The following MYOCD variants were observed in gnomAD, a reference collection of about 807,000 sequenced individuals.
The protein encoded by MYOCD is myocardin.
A neutral mutation model predicts 96.1 loss-of-function variants in MYOCD; 32 were observed. The observed-to-expected ratio is 0.33, with a 90% CI of 0.25 to 0.45. The LOEUF (loss-of-function observed/expected upper bound fraction) is 0.45. Ranked by LOEUF, MYOCD falls within the 20% of genes least tolerant of loss-of-function variation. MYOCD has a pLI of 1.00. For missense variants in MYOCD, 1,133 were observed against 1,200.6 expected, an observed-to-expected ratio of 0.94 and a Z score of 0.83; for synonymous variants, 469 against 469.0, an observed-to-expected ratio of 1.00 and a Z score of 0.00.
rs546824430 is a variant in MYOCD at position 12,679,056 on chromosome 17, G to A, written c.55+12813G>A. On this transcript the variant is annotated intron_variant, in intron 1 of 13. Coordinates refer to ENST00000425538, the MANE Select transcript of MYOCD (RefSeq NM_001146312.3). ...CAGCAGATTCAGACCTAGAACTCTC[G>A]TCTCGGGGCTTGCAAAACCAAATTT... 3.8e-4 allele frequency among the ~76,000 whole-genome samples: 58 copies of A among 152,170 alleles called. No homozygotes were observed. In the South Asian group the frequency reaches 1.0e-2, roughly 26 times the overall value.
intron 1 of MYOCD, among the ~76,000 whole-genome samples, chr17:12,671,664 T>C (rs1909717254): frequency 6.6e-6 from 1 of 152,204 alleles, no homozygotes; most frequent in Non-Finnish European, 1.5e-5. Context: ...ATTTGTCTTT[T>C]ATCTGCTACA....
chr17:12,744,090 C>A, intron 7 of MYOCD, 93 bp from the exon 8 acceptor site: 1 of 1,427,586 alleles, frequency 7.0e-7, no homozygotes, highest in Non-Finnish European at 9.6e-7. Context: ...CAAGAATGGC[C>A]ATCAGACAAA....
chr17:12,745,882 T>A (rs750984163), intron 8 of MYOCD, 37 bp from the exon 9 acceptor site: 1 of 1,609,382 alleles, frequency 6.2e-7, no homozygotes, highest in South Asian at 1.1e-5. Flanking sequence ...CACCAATATT[T>A]GATTGTACTT....
intron 7 of MYOCD, among the ~76,000 whole-genome samples, chr17:12,742,868 G>A (rs1195545082): frequency 2.0e-5 from 3 of 151,962 alleles, no homozygotes; most frequent in Admixed American, 6.6e-5. Flanking sequence ...CACCGCGCCC[G>A]GCCTGAAAAT....
chr17:12,688,950 T>A (rs557561133), intron 1 of MYOCD, among the ~76,000 whole-genome samples: 2 of 152,332 alleles, frequency 1.3e-5, no homozygotes, highest in East Asian at 1.9e-4. Flanking sequence ...CATTAACTAA[T>A]GTGAATTAAT....
intron 9 of MYOCD, among the ~76,000 whole-genome samples, chr17:12,748,160 C>CAAAAA (rs58002174): frequency 2.2e-5 from 2 of 90,582 alleles, no homozygotes; most frequent in African/African-American, 3.9e-5. Flanking sequence ...GACTCCGTCT[C>CAAAAA]AAAAAAAAAA....
chr17:12,727,381 A>G (rs1460051599), intron 5 of MYOCD, among the ~76,000 whole-genome samples: 23 of 152,198 alleles, frequency 1.5e-4, no homozygotes, highest in Admixed American at 1.4e-3. Context: ...TTGCTTAGAG[A>G]CAGCTACAGA....
intron 2 of MYOCD, among the ~76,000 whole-genome samples, chr17:12,710,029 T>C (rs533310241): frequency 6.6e-6 from 1 of 152,202 alleles, no homozygotes; most frequent in Non-Finnish European, 1.5e-5. Context: ...AGAAAGGCTC[T>C]GGGGAACACA....
Position 12,760,673 on chromosome 17 carries a change from G to A in MYOCD, c.2355G>A (p.Met785Ile). ...AGCAAATGACCCGGAGTCAGCAGAT[G>A]GATGAACTCCTGGACGTGCTTATTG... ...VKQQMTRSQQ[M>I]DELLDVLIES... Residue 785 changes from methionine to isoleucine, a missense_variant, in exon 13 of 14, where the codon ATG (methionine) becomes ATA (isoleucine). Transcript: ENST00000425538. 6.2e-7 allele frequency: 1 copy of A among 1,614,008 alleles called. No homozygotes were observed.
At chr17:12,674,586 A>G (rs765176849) in intron 1 of MYOCD, among the ~76,000 whole-genome samples, 1 of 152,238 alleles carries the variant, frequency 6.6e-6, no homozygotes, top group Non-Finnish European at 1.5e-5. Context: ...TACCAGAAGT[A>G]AAACAGACAA....
rs2033259580 is a variant in MYOCD at position 12,763,848 on chromosome 17, T to C, written c.*204T>C. ...TTTACCAACAGTCAGTAACTGTTAA[T>C]GATTTCAACAATGCATTAAAAGAAT... On this transcript the variant is annotated 3_prime_UTR_variant, in exon 14 of 14. Coordinates refer to ENST00000425538, the MANE Select transcript of MYOCD (RefSeq NM_001146312.3). The C allele has an allele frequency of 2.1e-6, 1 of 481,248 alleles. No homozygotes were observed. The highest frequency in any genetic ancestry group is 3.6e-6 in the Non-Finnish European group (1 of 278,840). The allele number at this position is 481,248 out of a possible 1,614,324, so 29.8% of individuals were successfully genotyped here. A position where few individuals can be genotyped will look rare whatever the true frequency, so the allele number is the denominator to read the frequency against.
In MYOCD at chr17:12,752,476, T is replaced by C; in HGVS notation, c.1188T>C (p.Ala396=). ...TGCCTGTGTCAGGCACCAAAACGGC[T>C]CTCATGGACCGGCTTCGACCCTTCC... ...RGLPVSGTKT[A]LMDRLRPFQD... The change falls in exon 10 of 14, where the codon GCT becomes GCC. Residue 396 remains alanine, a synonymous_variant. Transcript: ENST00000425538. The C allele has an allele frequency of 6.2e-7, 1 of 1,614,124 alleles. No individual in the cohort carries two copies. The highest frequency in any genetic ancestry group is 8.5e-7 in the Non-Finnish European group (1 of 1,180,032).
chr17:12,689,065 T>A (rs1278070062), intron 1 of MYOCD, among the ~76,000 whole-genome samples: 9 of 152,218 alleles, frequency 5.9e-5, no homozygotes, highest in African/African-American at 1.9e-4. Flanking sequence ...TTATCTTTTC[T>A]ATTTCTTCTT....
chr17:12,743,740 G>A (rs2032580961), intron 7 of MYOCD, among the ~76,000 whole-genome samples: 1 of 152,076 alleles, frequency 6.6e-6, no homozygotes, highest in African/African-American at 2.4e-5. Flanking sequence ...TGATCCACCC[G>A]CCTCGGCCTC....
At chr17:12,684,487 TA>T (rs1258686361) in intron 1 of MYOCD, among the ~76,000 whole-genome samples, 1 of 152,202 alleles carries the variant, frequency 6.6e-6, no homozygotes, top group African/African-American at 2.4e-5. Flanking sequence ...AGGGGAACAC[TA>T]CATATTTTGT....
At chr17:12,698,837 G>A (rs890025839) in intron 1 of MYOCD, among the ~76,000 whole-genome samples, 10 of 140,958 alleles carry the variant, frequency 7.1e-5, no homozygotes, top group South Asian at 2.4e-4. Flanking sequence ...CCGCCTCCCC[G>A]GTTCACGCCA....
chr17:12,700,379 C>A (rs186188948), intron 1 of MYOCD, among the ~76,000 whole-genome samples: 91 of 141,700 alleles, frequency 6.4e-4, no homozygotes, highest in African/African-American at 2.3e-3. Context: ...TTCTAATTGG[C>A]TAACTCTAGC....
chr17:12,743,606 C>T (rs566627927), intron 7 of MYOCD, among the ~76,000 whole-genome samples: 1 of 151,094 alleles, frequency 6.6e-6, no homozygotes, highest in South Asian at 2.1e-4. Flanking sequence ...AATTCTCCTG[C>T]CTCAGTTTCC....
At chr17:12,672,337 A>C (rs974668709) in intron 1 of MYOCD, 4 of 152,334 alleles carry the variant, frequency 2.6e-5, no homozygotes, top group Non-Finnish European at 4.4e-5. Flanking sequence ...TAATAACAAC[A>C]ACCATGACCA....
Sources: gnomAD v4.1 joint callset for allele counts (sites outside exome capture counted in the v4.1 genomes callset) on GRCh38, gnomAD v4.1.1 for gene constraint, MANE v1.5 for transcripts, NCBI Gene and HGNC (gene_info 2026-07-23, HGNC 2026-07-21) for gene names.